The following HAO1 variants were observed in gnomAD, a reference collection of about 807,000 sequenced individuals.
HAO1 encodes 2-Hydroxyacid oxidase 1.
In HAO1, 34 loss-of-function variants were observed where a neutral mutation model predicts 39.7. The ratio of observed to expected loss-of-function variants is 0.86; its 90% CI spans 0.65 to 1.14. The LOEUF (loss-of-function observed/expected upper bound fraction) is 1.14. Among genes scored for constraint, HAO1 ranks in the 50% most tolerant of loss-of-function variants. The probability of loss-of-function intolerance (pLI) is 0.00; values close to 1 mark genes in which losing one functional copy is unlikely to be tolerated. For missense variants in HAO1, 479 were observed against 464.5 expected, an observed-to-expected ratio of 1.03 and a Z score of -0.29; for synonymous variants, 172 against 173.2, an observed-to-expected ratio of 0.99 and a Z score of 0.05.
chr20:7,893,681 T>A (rs1328613921), intron 5 of HAO1, among the ~76,000 whole-genome samples: 1 of 152,106 alleles, frequency 6.6e-6, no homozygotes, highest in Non-Finnish European at 1.5e-5. Flanking sequence ...GATTTTTATC[T>A]CCCACCTGAC....
chr20:7,890,875 A>G (rs2050171285), intron 5 of HAO1, among the ~76,000 whole-genome samples: 1 of 152,170 alleles, frequency 6.6e-6, no homozygotes, highest in African/African-American at 2.4e-5. Flanking sequence ...AATGCTGTTA[A>G]TTCATTCCTT....
At chr20:7,898,917 T>C (rs775297360) in intron 4 of HAO1, among the ~76,000 whole-genome samples, 12 of 150,734 alleles carry the variant, frequency 8.0e-5, no homozygotes, top group Non-Finnish European at 1.8e-4. Context: ...TCTAGTTATG[T>C]ACAGGATCCT....
chr20:7,911,841 C>T (rs2050281279), intron 3 of HAO1, among the ~76,000 whole-genome samples: 1 of 152,216 alleles, frequency 6.6e-6, no homozygotes, highest in Admixed American at 6.5e-5. Context: ...AGGTCAGTTG[C>T]AGAAAGAAAC....
intron 2 of HAO1, among the ~76,000 whole-genome samples, chr20:7,931,330 T>C (rs1025012609): frequency 1.1e-4 from 16 of 152,330 alleles, no homozygotes; most frequent in Middle Eastern, 3.4e-3. Flanking sequence ...TAATTACTTC[T>C]AGGGGATCAT....
intron 4 of HAO1, among the ~76,000 whole-genome samples, chr20:7,905,436 C>G (rs1476867587): frequency 2.6e-5 from 4 of 152,088 alleles, no homozygotes; most frequent in African/African-American, 9.7e-5. Context: ...GTCACTTACT[C>G]AAACATTTCA....
At position 7,895,169 on chromosome 20, in the gene HAO1, A is replaced by T. The variant is rs774634276; in HGVS notation, c.777T>A (p.Asn259Lys). ...CCCCATCGAGTTGTCGAGCCCCATG[A>T]TTCGACACCAAGATCCCATTCAAGC... is the stretch of plus-strand genomic sequence containing the variant. ...KHGLNGILVS[N>K]HGARQLDGVP... Residue 259 changes from asparagine to lysine, a missense_variant, in exon 5 of 8, where the codon AAT becomes AAA. By Grantham distance (94) the Asn-to-Lys change is moderately conservative. Coordinates refer to ENST00000378789, the MANE Select transcript of HAO1 (RefSeq NM_017545.3). The T allele has an allele frequency of 6.2e-7, 1 of 1,612,818 alleles. No homozygotes were observed. The highest frequency in any genetic ancestry group is 1.1e-5 in the South Asian group (1 of 91,052).
chr20:7,899,131 C>T (rs1267080863), intron 4 of HAO1, among the ~76,000 whole-genome samples: 12 of 151,894 alleles, frequency 7.9e-5, no homozygotes, highest in Non-Finnish European at 1.6e-4. Flanking sequence ...AAGTGATTCA[C>T]TGCTTAAGGT....
intron 4 of HAO1, among the ~76,000 whole-genome samples, chr20:7,904,375 G>A (rs999750523): frequency 5.9e-5 from 9 of 152,100 alleles, no homozygotes; most frequent in Non-Finnish European, 1.3e-4. Context: ...TATATGATGA[G>A]GTTGCTTCTC....
chr20:7,908,393 T>TA lies in HAO1; in HGVS notation c.546-2065dup, dbSNP rs34048209. ...GACAGAGCAAGACTCTGTCTCAAAA[T>TA]AAAAAAAAAAAAAAAATTATATATT... is the stretch of plus-strand genomic sequence containing the variant. On this transcript the variant is annotated intron_variant, in intron 3 of 7. Coordinates refer to ENST00000378789, the MANE Select transcript of HAO1 (RefSeq NM_017545.3). Among the ~76,000 whole-genome samples, 348 of 119,024 alleles carry TA rather than the reference T, an allele frequency of 2.9e-3. 1 individual carries two copies. The highest frequency in any genetic ancestry group is 8.6e-3 in the Middle Eastern group (2 of 232). The allele number at this position is 119,024 out of a possible 152,430, so 78.1% of individuals were successfully genotyped here.
At chr20:7,893,304 A>C (rs1263116917) in intron 5 of HAO1, among the ~76,000 whole-genome samples, 1 of 152,206 alleles carries the variant, frequency 6.6e-6, no homozygotes, top group Non-Finnish European at 1.5e-5. Context: ...AGTGTAGGCC[A>C]GACTAACTTT....
chr20:7,912,751 G>T (rs940995559), intron 3 of HAO1, among the ~76,000 whole-genome samples: 6 of 152,132 alleles, frequency 3.9e-5, no homozygotes, highest in African/African-American at 9.7e-5. Flanking sequence ...CCTGAGTCTG[G>T]GATATGTGGA....
At chr20:7,917,626 G>A (rs116899421) in intron 2 of HAO1, among the ~76,000 whole-genome samples, 10 of 152,240 alleles carry the variant, frequency 6.6e-5, no homozygotes, top group South Asian at 2.1e-4. Context: ...AAGGTCCTCC[G>A]TACACTGGAG....
intron 5 of HAO1, 143 bp from the exon 6 acceptor site, chr20:7,886,007 C>A: frequency 1.6e-6 from 1 of 617,388 alleles, no homozygotes; most frequent in Admixed American, 3.3e-5. Flanking sequence ...AAAATTATTT[C>A]CTTCTCAAAG....
chr20:7,883,498 G>A lies in HAO1; in HGVS notation c.*95C>T, dbSNP rs1417013331. ...ACGACACCCTTTGTATTGAAGTGGG[G>A]AATTACAGACTGTGGTCACCCTCTG... On this transcript the variant is annotated 3_prime_UTR_variant, in exon 8 of 8. Transcript: ENST00000378789. 5.7e-6 allele frequency: 5 copies of A among 870,682 alleles called. No individual in the cohort carries two copies. In the East Asian group the frequency reaches 1.2e-4, roughly 21 times the overall value. The allele number at this position is 870,682 out of a possible 1,614,324, so 53.9% of individuals were successfully genotyped here.
At chr20:7,915,762 T>A (rs1194465004) in intron 2 of HAO1, among the ~76,000 whole-genome samples, 1 of 152,094 alleles carries the variant, frequency 6.6e-6, no homozygotes, top group Admixed American at 6.6e-5. Context: ...TATATAGATA[T>A]ATTAAGGAAA....
intron 2 of HAO1, among the ~76,000 whole-genome samples, chr20:7,926,026 A>G (rs940920664): frequency 5.3e-5 from 8 of 152,166 alleles, no homozygotes; most frequent in African/African-American, 1.9e-4. Flanking sequence ...CTTTTAATAC[A>G]TATATAAGCA....
intron 5 of HAO1, among the ~76,000 whole-genome samples, chr20:7,891,426 T>C (rs1339323334): frequency 6.6e-6 from 1 of 152,196 alleles, no homozygotes; most frequent in African/African-American, 2.4e-5. Context: ...GAGTTCGTTG[T>C]AGATTCTGGA....
At chr20:7,894,560 G>A (rs943092537) in intron 5 of HAO1, among the ~76,000 whole-genome samples, 5 of 152,156 alleles carry the variant, frequency 3.3e-5, no homozygotes, top group Non-Finnish European at 7.4e-5. Flanking sequence ...AGCCAAGGTG[G>A]TTCACAACTC....
rs142860983 is a variant in HAO1, at chr20:7,933,023, C to T, written c.289+1461G>A. Among the ~76,000 whole-genome samples, 44 of 152,078 alleles carry T rather than the reference C, an allele frequency of 2.9e-4. No homozygotes were observed. In the East Asian group the frequency reaches 5.8e-3, roughly 20 times the overall value. On this transcript the variant is annotated intron_variant, in intron 2 of 7. Transcript: ENST00000378789. ...ACTGCCTGATCTTAAAATAAAAATT[C>T]GATATACGGAAAATAAAATAGATGG...
Sources: gnomAD v4.1 joint callset for allele counts (sites outside exome capture counted in the v4.1 genomes callset) on GRCh38, gnomAD v4.1.1 for gene constraint, MANE v1.5 for transcripts, NCBI Gene and HGNC (gene_info 2026-07-23, HGNC 2026-07-21) for gene names.